The following CAPN3 variants were observed in gnomAD, a reference collection of about 807,000 sequenced individuals.
The protein encoded by CAPN3 is calpain 3.
In CAPN3, 88 loss-of-function variants were observed where a neutral mutation model predicts 114.0. The ratio of observed to expected loss-of-function variants is 0.77; its 90% CI spans 0.65 to 0.92. CAPN3 has a LOEUF of 0.92. Ranked by LOEUF, CAPN3 falls within the 40% of genes least tolerant of loss-of-function variation. The pLI is 0.00. For missense variants in CAPN3, 1,028 were observed against 1,069.0 expected, an observed-to-expected ratio of 0.96 and a Z score of 0.53; for synonymous variants, 386 against 382.9, an observed-to-expected ratio of 1.01 and a Z score of -0.09.
At chr15:42,366,608 A>G (rs527713981) in intron 1 of CAPN3, among the ~76,000 whole-genome samples, 1 of 152,302 alleles carries the variant, frequency 6.6e-6, no homozygotes, top group East Asian at 1.9e-4. Context: ...GATTATTATA[A>G]TTACAGAATT....
In CAPN3 at chr15:42,387,800, G is replaced by C; in HGVS notation, c.546G>C (p.Leu182=). ...EWVDVVIDDC[L]PTYNNQLVFT... is the part of the protein sequence containing the mutation. ...TGGACGTGGTTATAGATGACTGCCTGCCAACGTACAACAATCAACTGGTTT... is the reference window on the plus strand; with the variant it reads ...TGGACGTGGTTATAGATGACTGCCTCCCAACGTACAACAATCAACTGGTTT... The change falls in exon 4 of 24, where the codon CTG becomes CTC. Residue 182 remains leucine, a synonymous_variant. Transcript: ENST00000397163. 1 of 1,614,204 alleles carries C rather than the reference G, an allele frequency of 6.2e-7. No homozygotes were observed. Among genetic ancestry groups the C allele is most frequent in the Admixed American group, 1.7e-5 (1 of 60,022 alleles).
chr15:42,380,368 C>CTTTTTTTTTTTTTTTTT (rs776441239), intron 1 of CAPN3, among the ~76,000 whole-genome samples: 6 of 46,108 alleles, frequency 1.3e-4, no homozygotes, highest in African/African-American at 5.7e-4. Flanking sequence ...TCTTTTTTGT[C>CTTTTTTTTTTTTTTTTT]TTTTTTTTTT....
In CAPN3 at chr15:42,359,817, C is replaced by T. The variant is rs755799559; in HGVS notation, c.12C>T (p.Val4=). The change falls in exon 1 of 24, where the codon GTC becomes GTT. Residue 4 remains valine (V), a synonymous_variant. Transcript: ENST00000397163. Reference sequence around the variant, plus strand: ...CAAAGCCACTTGCCATGCCGACCGTCATTAGCGCATCTGTGGCTCCAAGGA... The same window carrying T: ...CAAAGCCACTTGCCATGCCGACCGTTATTAGCGCATCTGTGGCTCCAAGGA... MPT[V]ISASVAPRTA... is the part of the protein sequence containing the mutation. 2 of 1,613,832 alleles carry T rather than the reference C, an allele frequency of 1.2e-6. No homozygotes were observed. Among genetic ancestry groups the T allele is most frequent in the Non-Finnish European group, 1.7e-6 (2 of 1,180,032 alleles).
chr15:42,360,244 T>C (rs2052606644), intron 1 of CAPN3, 130 bp downstream of exon 1: 5 of 966,410 alleles, frequency 5.2e-6, no homozygotes, highest in Non-Finnish European at 8.2e-6. Context: ...TGCTGGGCTC[T>C]GTCTTTAAGT....
rs1409087443 is a variant in CAPN3 at position 42,411,902 on chromosome 15, T to C, written c.*129T>C. 6 of 1,576,090 alleles carry C rather than the reference T, an allele frequency of 3.8e-6. No homozygotes were observed. The highest frequency in any genetic ancestry group is 4.6e-5 in the East Asian group (2 of 43,168). On this transcript the variant is annotated 3_prime_UTR_variant, in exon 24 of 24. Coordinates refer to ENST00000397163, the MANE Select transcript of CAPN3 (RefSeq NM_000070.3). ...TACAGGCTTCCAGGCACCTCATCAG[T>C]CATGCTCCTCCTCCATTTTACCCCC...
intron 7 of CAPN3, among the ~76,000 whole-genome samples, chr15:42,393,288 CTGT>C (rs2053608005): frequency 6.6e-6 from 1 of 152,150 alleles, no homozygotes; most frequent in Admixed American, 6.5e-5. Flanking sequence ...GTATTATTTT[CTGT>C]TGTTGTATTA....
chr15:42,400,802 G>A (rs2053840749), intron 10 of CAPN3, among the ~76,000 whole-genome samples: 1 of 152,150 alleles, frequency 6.6e-6, no homozygotes, highest in African/African-American at 2.4e-5. Flanking sequence ...TGAGGTTCCT[G>A]TAGAGTGTCC....
chr15:42,397,972 G>T (rs1030626061), intron 9 of CAPN3, among the ~76,000 whole-genome samples: 2 of 152,042 alleles, frequency 1.3e-5, no homozygotes, highest in Admixed American at 6.5e-5. Flanking sequence ...AGTGAACTAT[G>T]ATTGTACCAC....
chr15:42,383,544 G>T (rs1254202910), intron 1 of CAPN3, among the ~76,000 whole-genome samples: 1 of 152,088 alleles, frequency 6.6e-6, no homozygotes, highest in African/African-American at 2.4e-5. Context: ...AGCCGAGATC[G>T]CGCCACTGTA....
intron 6 of CAPN3, 137 bp from the exon 7 acceptor site, chr15:42,392,502 G>A (rs576009476): frequency 1.9e-5 from 13 of 701,288 alleles, no homozygotes; most frequent in East Asian, 2.9e-5. Flanking sequence ...GTTCGTGGTC[G>A]TGAGGCACAC....
In CAPN3 at chr15:42,387,818, A is replaced by G. The variant is rs1371128338; in HGVS notation, c.564A>G (p.Gln188=). 6.2e-7 allele frequency: 1 copy of G among 1,614,086 alleles called. No homozygotes were observed. The highest frequency in any genetic ancestry group is 1.3e-5 in the African/African-American group (1 of 74,946). ...IDDCLPTYNN[Q]LVFTKSNHRN... ...ACTGCCTGCCAACGTACAACAATCA[A>G]CTGGTTTTCACCAAGTCCAACCACC... The change falls in exon 4 of 24, where the codon CAA becomes CAG. Residue 188 remains glutamine, a synonymous_variant. Coordinates refer to ENST00000397163, the MANE Select transcript of CAPN3 (RefSeq NM_000070.3).
rs143055319 is a variant in CAPN3 at position 42,361,877 on chromosome 15, A to G, written c.309+1763A>G. On this transcript the variant is annotated intron_variant, in intron 1 of 23. Transcript: ENST00000397163. ...TTTGCTCATGCTGTCTGTCTGCCTG[A>G]CATGCCTTTTTTGTTCCTATCTGAA... Among the ~76,000 whole-genome samples the G allele has an allele frequency of 1.6e-3, 243 of 152,294 alleles. 1 individual carries two copies. The highest frequency in any genetic ancestry group is 5.6e-3 in the African/African-American group (233 of 41,562).
At chr15:42,399,849 G>A (rs189121456) in intron 10 of CAPN3, among the ~76,000 whole-genome samples, 197 bp downstream of exon 10, 34 of 152,352 alleles carry the variant, frequency 2.2e-4, no homozygotes, top group Non-Finnish European at 4.4e-4. Flanking sequence ...GCAGGAAACT[G>A]TGGGAACAAT....
At chr15:42,398,231 T>A (rs1417890506) in intron 9 of CAPN3, among the ~76,000 whole-genome samples, 1 of 152,152 alleles carries the variant, frequency 6.6e-6, no homozygotes, top group African/African-American at 2.4e-5. Context: ...TACCATCATC[T>A]CAAATATGTA....
At chr15:42,403,931 T>A in intron 14 of CAPN3, 154 bp downstream of exon 14, 2 of 770,794 alleles carry the variant, frequency 2.6e-6, no homozygotes, top group Non-Finnish European at 4.6e-6. Context: ...CAAATCCTAC[T>A]TTGGCATGGC....
rs371148431 is a variant in CAPN3 at position 42,401,696 on chromosome 15, C to T, written c.1410C>T (p.Asp470=). 5.0e-5 allele frequency: 81 copies of T among 1,614,064 alleles called. No individual in the cohort carries two copies. The highest frequency in any genetic ancestry group is 6.7e-5 in the Non-Finnish European group (79 of 1,180,032). The change falls in exon 11 of 24, where the codon GAC becomes GAT. Residue 470 remains aspartate (D), a synonymous_variant. Coordinates refer to ENST00000397163, the MANE Select transcript of CAPN3 (RefSeq NM_000070.3). The part of the protein sequence containing the change: ...YRLKLLEEDD[D]PDDSEVICSF... ...TGAAGCTCCTGGAGGAGGACGATGA[C>T]CCTGATGACTCGGAGGTGATTTGCA...
At chr15:42,371,198 G>A (rs1362460754) in intron 1 of CAPN3, among the ~76,000 whole-genome samples, 2 of 152,008 alleles carry the variant, frequency 1.3e-5, no homozygotes, top group Non-Finnish European at 2.9e-5. Flanking sequence ...TGTCATCACG[G>A]GGGTAGGGGG....
intron 2 of CAPN3, 63 bp downstream of exon 2, chr15:42,384,615 C>A: frequency 4.9e-6 from 6 of 1,215,280 alleles, no homozygotes; most frequent in South Asian, 1.2e-5. Flanking sequence ...AGGTGTGATC[C>A]CCTTCCAGGA....
chr15:42,397,891 G>A (rs1256524791), intron 9 of CAPN3, among the ~76,000 whole-genome samples: 4 of 152,012 alleles, frequency 2.6e-5, no homozygotes, highest in Admixed American at 6.6e-5. Context: ...ATGTGGTGGC[G>A]TGTGCCTGTA....
Sources: allele counts gnomAD v4.1 joint callset (sites outside exome capture counted in the v4.1 genomes callset), GRCh38; gene constraint gnomAD v4.1.1; transcripts MANE v1.5; gene names NCBI Gene and HGNC (gene_info 2026-07-23, HGNC 2026-07-21).